Variants in DPP6 observed in about 807,000 individuals in gnomAD.
DPP6 encodes the protein dipeptidyl peptidase like 6, also known as A-type potassium channel modulatory protein DPP6.
Under a neutral mutation model 122.6 loss-of-function variants are expected in DPP6, and 69 were observed. That is an observed-to-expected ratio of 0.56 (90% CI 0.46 to 0.69). DPP6 has a LOEUF of 0.69. DPP6 is among the 30% of genes least tolerant of loss of function. The pLI is 0.00. For missense variants in DPP6, 928 were observed against 1,116.9 expected (o/e 0.83, Z 2.41); for synonymous variants, 418 against 433.1 (o/e 0.97, Z 0.43).
At chr7:154,646,806 A>T (rs1836513775) in intron 6 of DPP6, among the ~76,000 whole-genome samples, 1 of 152,152 alleles carries the variant, frequency 6.6e-6, no homozygotes, top group African/African-American at 2.4e-5. Flanking sequence ...AAGAGGCTGC[A>T]CCAACAGGTC....
At chr7:153,843,106 G>A in the DPP6 span, among the ~76,000 whole-genome samples, 3 of 149,934 alleles carry the variant, frequency 2.0e-5, no homozygotes, top group Non-Finnish European at 3.0e-5. Flanking sequence ...ATACACACAC[G>A]AGTGCATACA....
At chr7:154,561,582 A>G (rs1277546732) in intron 4 of DPP6, among the ~76,000 whole-genome samples, 1 of 152,270 alleles carries the variant, frequency 6.6e-6, no homozygotes, top group African/African-American at 2.4e-5. Flanking sequence ...CAACAAAGCA[A>G]TACTTAAAGG....
At position 154,301,787 on chromosome 7, in the gene DPP6, T is replaced by A. The variant is rs987278763; in HGVS notation, c.244-144427T>A. Reference sequence around the variant, plus strand: ...AACACTTAATACAAGATCTGCCCTCTTTTTTTTTTTTTTTTTTTTTTTTTT... The same window carrying A: ...AACACTTAATACAAGATCTGCCCTCATTTTTTTTTTTTTTTTTTTTTTTTT... On this transcript the variant is annotated intron_variant, in intron 1 of 25. Coordinates refer to ENST00000377770, the MANE Select transcript of DPP6 (RefSeq NM_130797.4). 1.6e-4 allele frequency among the ~76,000 whole-genome samples: 10 copies of A among 62,214 alleles called. No individual in the cohort carries two copies. The East Asian group carries it at 3.5e-3, about 22-fold the overall frequency. 40.8% of individuals were successfully genotyped at this position (62,214 alleles called of 152,430 possible).
chr7:153,761,730 C>G, the DPP6 span, among the ~76,000 whole-genome samples: 1 of 152,188 alleles, frequency 6.6e-6, no homozygotes, highest in Non-Finnish European at 1.5e-5. Context: ...AGCATCGATC[C>G]ATGCTTCCTT....
At chr7:153,810,212 AC>A in the DPP6 span, among the ~76,000 whole-genome samples, 1 of 152,190 alleles carries the variant, frequency 6.6e-6, no homozygotes, top group Non-Finnish European at 1.5e-5. Flanking sequence ...TCAGAGAACA[AC>A]TGAAATATCA....
chr7:154,135,541 A>T (rs1233901580), intron 1 of DPP6, among the ~76,000 whole-genome samples: 1 of 151,514 alleles, frequency 6.6e-6, no homozygotes, highest in Non-Finnish European at 1.5e-5. Flanking sequence ...TCCTGTGAGC[A>T]TACACTTTCT....
intron 1 of DPP6, among the ~76,000 whole-genome samples, chr7:154,063,790 G>C (rs1454185247): frequency 3.3e-5 from 5 of 151,786 alleles, no homozygotes; most frequent in Admixed American, 2.6e-4. Flanking sequence ...CTGGAGGACT[G>C]TGGATATTAG....
At chr7:154,189,636 G>A (rs1344573064) in intron 1 of DPP6, among the ~76,000 whole-genome samples, 1 of 152,122 alleles carries the variant, frequency 6.6e-6, no homozygotes, top group Non-Finnish European at 1.5e-5. Flanking sequence ...ACTCTTAATG[G>A]AGTAAATGGT....
At chr7:154,678,149 C>T (rs529346283) in intron 7 of DPP6, among the ~76,000 whole-genome samples, 7 of 152,232 alleles carry the variant, frequency 4.6e-5, no homozygotes, top group Non-Finnish European at 7.4e-5. Context: ...TCTGTAAAAA[C>T]GGACCAATCA....
intron 1 of DPP6, among the ~76,000 whole-genome samples, chr7:154,178,043 C>T (rs1797892155): frequency 6.6e-6 from 1 of 152,154 alleles, no homozygotes; most frequent in Non-Finnish European, 1.5e-5. Context: ...TCACTCCTTT[C>T]ACCAACCAGG....
In DPP6 at chr7:154,463,418, A is replaced by G. The variant is rs377256941; in HGVS notation, c.359-11521A>G. On this transcript the variant is annotated intron_variant, in intron 2 of 25. Coordinates refer to ENST00000377770, the MANE Select transcript of DPP6 (RefSeq NM_130797.4). ...GAGACGGGGTTTCACCGTGTTAGCC[A>G]GGATGGTCTCGATCTCCTGACCTCG... Among the ~76,000 whole-genome samples, 10 of 151,858 alleles carry G rather than the reference A, an allele frequency of 6.6e-5. No homozygotes were observed. In the East Asian group the frequency reaches 1.2e-3, roughly 18 times the overall value.
chr7:154,526,907 T>G (rs1412559272), intron 3 of DPP6, among the ~76,000 whole-genome samples: 5 of 152,164 alleles, frequency 3.3e-5, no homozygotes, highest in African/African-American at 1.2e-4. Context: ...TGTGGCCCAG[T>G]GATTATTGGA....
At chr7:154,806,098 C>A (rs981710715) in intron 15 of DPP6, among the ~76,000 whole-genome samples, 1 of 152,030 alleles carries the variant, frequency 6.6e-6, no homozygotes, top group Non-Finnish European at 1.5e-5. Context: ...GATGTTCCAT[C>A]GTCACCATGT....
At chr7:153,789,920 A>G in the DPP6 span, among the ~76,000 whole-genome samples, 4 of 152,178 alleles carry the variant, frequency 2.6e-5, no homozygotes, top group East Asian at 5.8e-4. Context: ...AGCTGGATCT[A>G]TGGTAAAATA....
intron 1 of DPP6, among the ~76,000 whole-genome samples, chr7:154,120,275 C>T (rs1012640465): frequency 2.7e-5 from 4 of 150,372 alleles, no homozygotes; most frequent in African/African-American, 9.8e-5. Context: ...GACAGAGTCT[C>T]GCTCTGTAGC....
chr7:153,989,834 A>G (rs1233476393), intron 1 of DPP6, among the ~76,000 whole-genome samples: 4 of 151,848 alleles, frequency 2.6e-5, no homozygotes, highest in African/African-American at 9.7e-5. Context: ...AGCATGTCCA[A>G]TTACACAGGG....
At chr7:154,254,734 C>T (rs1212219625) in intron 1 of DPP6, among the ~76,000 whole-genome samples, 1 of 151,964 alleles carries the variant, frequency 6.6e-6, no homozygotes, top group Non-Finnish European at 1.5e-5. Context: ...GTCACATTTT[C>T]ACTGGGTTAG....
At chr7:154,653,072 A>G (rs1221088071) in intron 6 of DPP6, among the ~76,000 whole-genome samples, 1 of 152,234 alleles carries the variant, frequency 6.6e-6, no homozygotes, top group African/African-American at 2.4e-5. Flanking sequence ...AAAAGAAATA[A>G]GATTTCCTCT....
chr7:154,801,234 A>G, intron 12 of DPP6, 121 bp from the exon 13 acceptor site: 2 of 1,380,616 alleles, frequency 1.4e-6, no homozygotes, highest in Admixed American at 2.3e-5. Context: ...TATTATTTCA[A>G]CTGTTCCTCT....
Sources: allele counts gnomAD v4.1 joint callset (sites outside exome capture counted in the v4.1 genomes callset), GRCh38; gene constraint gnomAD v4.1.1; transcripts MANE v1.5; gene names NCBI Gene and HGNC (gene_info 2026-07-23, HGNC 2026-07-21).